MED12L: variants seen among roughly 807,000 people sequenced by gnomAD.
MED12L encodes mediator of RNA polymerase II transcription subunit 12-like protein.
MED12L carries 60 observed loss-of-function variants against 281.3 expected under a neutral mutation model. The ratio of observed to expected loss-of-function variants is 0.21; its 90% CI spans 0.17 to 0.26. The LOEUF is 0.26. Among genes scored for constraint, MED12L ranks in the 10% least tolerant of loss-of-function variants. The probability of loss-of-function intolerance (pLI) is 1.00; values close to 1 mark genes in which losing one functional copy is unlikely to be tolerated. For synonymous variants in MED12L, 974 were observed against 987.2 expected (o/e 0.99, Z 0.25); for missense variants, 2,146 against 2,680.9 (o/e 0.80, Z 4.41).
chr3:151,296,213 T>C (rs938872888), intron 16 of MED12L, among the ~76,000 whole-genome samples: 17 of 152,228 alleles, frequency 1.1e-4, no homozygotes, highest in Non-Finnish European at 1.2e-4. Context: ...TTAAACCTTT[T>C]GCTTCTTTGG....
chr3:151,300,169 G>GGACGA (rs1745709811), intron 16 of MED12L: 1 of 1,042,388 alleles, frequency 9.6e-7, no homozygotes, highest in African/African-American at 1.6e-5. Flanking sequence ...TGAGGCGTGG[G>GGACGA]TTCAGCATAG....
intron 2 of MED12L, 23 bp downstream of exon 2, chr3:151,087,048 C>A: frequency 6.3e-7 from 1 of 1,580,120 alleles, no homozygotes; most frequent in Non-Finnish European, 8.6e-7. Context: ...GCGGCCTCCC[C>A]GGCAACCGGG....
intron 16 of MED12L, among the ~76,000 whole-genome samples, chr3:151,318,278 C>T (rs1361660709): frequency 6.6e-6 from 1 of 151,902 alleles, no homozygotes; most frequent in Admixed American, 6.6e-5. Context: ...ACAAACAATC[C>T]TTCATTTAGT....
intron 44 of MED12L, among the ~76,000 whole-genome samples, chr3:151,431,655 AT>A (rs1044650111): frequency 6.6e-6 from 1 of 152,012 alleles, no homozygotes; most frequent in Admixed American, 6.6e-5. Flanking sequence ...CTTAAGGCAG[AT>A]TTTTTCTTCT....
intron 16 of MED12L, among the ~76,000 whole-genome samples, chr3:151,224,262 G>A (rs1161616476): frequency 6.6e-6 from 1 of 151,248 alleles, no homozygotes. Flanking sequence ...CTTCCTTTCA[G>A]TCCAGACATC....
chr3:151,248,521 T>C (rs755644444), intron 16 of MED12L, among the ~76,000 whole-genome samples: 1 of 152,182 alleles, frequency 6.6e-6, no homozygotes, highest in Non-Finnish European at 1.5e-5. Context: ...CCAGCTGTAC[T>C]GGTCCACTTT....
chr3:151,338,880 T>C (rs767835449), intron 16 of MED12L: 2 of 1,603,804 alleles, frequency 1.2e-6, no homozygotes, highest in South Asian at 1.1e-5. Context: ...AAAGAGAGGA[T>C]GGTTATTTTC....
chr3:151,153,169 T>G (rs1718787921), intron 5 of MED12L, among the ~76,000 whole-genome samples: 1 of 152,204 alleles, frequency 6.6e-6, no homozygotes, highest in Non-Finnish European at 1.5e-5. Flanking sequence ...TCTAAAATGG[T>G]AGGGTGGACT....
intron 16 of MED12L, among the ~76,000 whole-genome samples, chr3:151,230,570 C>CTTTTTTTTTT (rs368433695): frequency 7.2e-6 from 1 of 139,458 alleles, no homozygotes; most frequent in African/African-American, 2.6e-5. Flanking sequence ...TTACTCCACG[C>CTTTTTTTTTT]TTTTTTTTTT....
At position 151,350,195 on chromosome 3, in the gene MED12L, C is replaced by T; in HGVS notation, c.2387C>T (p.Thr796Ile). The T allele has an allele frequency of 6.2e-7, 1 of 1,613,638 alleles. No homozygotes were observed. Among genetic ancestry groups the T allele is most frequent in the African/African-American group, 1.3e-5 (1 of 74,966 alleles). ...ILKILNKKST[T>I]ETGVGDEGQK... is the part of the protein sequence containing the mutation. ...AAAATTCTAAATAAGAAGAGCACCACAGAGACAGGGGGTAAAGAACCTTAA... is the reference window on the plus strand; with the variant it reads ...AAAATTCTAAATAAGAAGAGCACCATAGAGACAGGGGGTAAAGAACCTTAA... The change falls in exon 17 of 45, where the codon ACA (threonine) becomes ATA (isoleucine). Residue 796 changes from threonine (T) to isoleucine (I), a missense_variant. Transcript: ENST00000687756.
chr3:151,251,431 C>G (rs941289337), intron 16 of MED12L, among the ~76,000 whole-genome samples: 1 of 152,118 alleles, frequency 6.6e-6, no homozygotes, highest in East Asian at 1.9e-4. Flanking sequence ...CCCACCAAAC[C>G]TCAGGTCATT....
chr3:151,362,009 G>A (rs1754667080), intron 21 of MED12L, among the ~76,000 whole-genome samples: 2 of 152,118 alleles, frequency 1.3e-5, no homozygotes, highest in African/African-American at 4.8e-5. Context: ...GAATCCAGAA[G>A]GAGGTAGGGA....
At chr3:151,423,016 A>AT (rs1553820290) in intron 43 of MED12L, among the ~76,000 whole-genome samples, 86,848 of 141,220 alleles carry the variant, frequency 0.61, 27,486 homozygotes, top group Middle Eastern at 0.77. Flanking sequence ...AGATCATAAA[A>AT]ATATATATAT....
At chr3:151,428,420 T>G (rs1719102127) in intron 43 of MED12L, among the ~76,000 whole-genome samples, 1 of 152,208 alleles carries the variant, frequency 6.6e-6, no homozygotes, top group South Asian at 2.1e-4. Context: ...TAATTTGTAT[T>G]GGGGAAAATA....
rs1380964632 is a variant in MED12L at position 151,357,306 on chromosome 3, G to A, written c.2755G>A (p.Val919Met). The change falls in exon 20 of 45, where the codon GTG becomes ATG. Residue 919 changes from valine to methionine, a missense_variant. Around this residue, in one of 9 missense-constraint regions of MED12L, gnomAD observed 404 missense variants for 603.5 expected, o/e 0.67. Coordinates refer to ENST00000687756, the MANE Select transcript of MED12L (RefSeq NM_001393769.1). ...SYTTGLCVCIVAVLRRYHSCL... is the reference protein window; with the variant it reads ...SYTTGLCVCIMAVLRRYHSCL... The stretch of plus-strand genomic sequence containing the variant: ...TACAACAGGACTGTGTGTCTGCATC[G>A]TGGCTGTTCTCAGGCGCTATCACAG... 11 of 1,613,840 alleles carry A rather than the reference G, an allele frequency of 6.8e-6. No individual in the cohort carries two copies. The East Asian group carries it at 1.1e-4, about 16-fold the overall frequency.
chr3:151,364,280 T>G (rs1268370839), intron 21 of MED12L, among the ~76,000 whole-genome samples: 1 of 152,220 alleles, frequency 6.6e-6, no homozygotes, highest in East Asian at 1.9e-4. Context: ...TATATCTGAT[T>G]CAGACGTAAC....
At chr3:151,306,054 G>A (rs1343787739) in intron 16 of MED12L, among the ~76,000 whole-genome samples, 1 of 152,114 alleles carries the variant, frequency 6.6e-6, no homozygotes, top group Non-Finnish European at 1.5e-5. Context: ...AGCATTACCT[G>A]CCGGGTCCTA....
chr3:151,331,387 T>C (rs984897445), intron 16 of MED12L, among the ~76,000 whole-genome samples: 6 of 152,350 alleles, frequency 3.9e-5, no homozygotes, highest in East Asian at 1.9e-4. Context: ...TCTTTTCTTA[T>C]GACCTTAGGC....
At chr3:151,122,393 T>C (rs1713887966) in intron 3 of MED12L, among the ~76,000 whole-genome samples, 1 of 152,202 alleles carries the variant, frequency 6.6e-6, no homozygotes, top group Non-Finnish European at 1.5e-5. Context: ...TACCGAGTGA[T>C]TACTAGGCTT....
Sources: gnomAD v4.1 joint callset for allele counts (sites outside exome capture counted in the v4.1 genomes callset) on GRCh38, gnomAD v4.1.1 for gene constraint, gnomAD v4.1.1 regional missense constraint, MANE v1.5 for transcripts, NCBI Gene and HGNC (gene_info 2026-07-23, HGNC 2026-07-21) for gene names.